The following CTNNA2 variants were observed in gnomAD, a reference collection of about 807,000 sequenced individuals.
The protein encoded by CTNNA2 is catenin alpha 2, also known as catenin alpha-2.
A neutral mutation model predicts 101.0 loss-of-function variants in CTNNA2; 42 were observed. That is an observed-to-expected ratio of 0.42 (90% CI 0.32 to 0.54). The LOEUF (loss-of-function observed/expected upper bound fraction) is 0.54. CTNNA2 is among the 20% of genes least tolerant of loss of function. The pLI is 0.14. For synonymous variants in CTNNA2, 450 were observed against 456.4 expected (o/e 0.99, Z 0.18); for missense variants, 871 against 1,223.1 (o/e 0.71, Z 4.29).
At chr2:79,933,347 G>A (rs892587559) in intron 7 of CTNNA2, among the ~76,000 whole-genome samples, 2 of 151,994 alleles carry the variant, frequency 1.3e-5, no homozygotes, top group African/African-American at 4.8e-5. Flanking sequence ...GCTAGGATTT[G>A]TATCTTCATT....
intron 1 of CTNNA2, among the ~76,000 whole-genome samples, chr2:79,607,793 C>T (rs759694309): frequency 1.3e-5 from 2 of 151,996 alleles, no homozygotes; most frequent in African/African-American, 2.4e-5. Flanking sequence ...CAACTCAGCA[C>T]CCAACACATA....
intron 8 of CTNNA2, among the ~76,000 whole-genome samples, chr2:80,415,814 G>A (rs1206677500): frequency 6.6e-6 from 1 of 152,090 alleles, no homozygotes; most frequent in South Asian, 2.1e-4. Flanking sequence ...TAAAAAATGT[G>A]ATAGGCAGAT....
intron 3 of CTNNA2, among the ~76,000 whole-genome samples, chr2:79,362,786 T>A (rs1407075205): frequency 6.6e-6 from 1 of 152,168 alleles, no homozygotes; most frequent in East Asian, 1.9e-4. Flanking sequence ...GCCTGGATCG[T>A]TGACAAAGGA....
At chr2:79,533,195 C>T (rs1013133832) in intron 1 of CTNNA2, among the ~76,000 whole-genome samples, 1 of 152,028 alleles carries the variant, frequency 6.6e-6, no homozygotes, top group African/African-American at 2.4e-5. Context: ...TTTTGTTACA[C>T]CTTTTCTTAG....
chr2:80,632,941 CA>C (rs2149835004), intron 18 of CTNNA2, among the ~76,000 whole-genome samples: 1 of 152,264 alleles, frequency 6.6e-6, no homozygotes, highest in South Asian at 2.1e-4. Context: ...AAAGAGATTA[CA>C]GAGTGTCCAA....
At chr2:80,017,608 G>A (rs796198861) in intron 7 of CTNNA2, among the ~76,000 whole-genome samples, 19 of 151,904 alleles carry the variant, frequency 1.3e-4, no homozygotes, top group African/African-American at 2.9e-4. Flanking sequence ...AATTGATCTC[G>A]GATTTGGCCC....
chr2:79,845,086 T>C (rs1275453233), intron 3 of CTNNA2, among the ~76,000 whole-genome samples: 3 of 151,494 alleles, frequency 2.0e-5, no homozygotes, highest in Admixed American at 2.0e-4. Flanking sequence ...TATGTGTATA[T>C]ATATATATAT....
chr2:79,385,588 T>C (rs6748756), intron 4 of CTNNA2, among the ~76,000 whole-genome samples: 66,528 of 151,600 alleles, frequency 0.44, 16,370 homozygotes, highest in African/African-American at 0.67. Context: ...CATAGCTATA[T>C]ATGTGCCATG....
rs183245103 is a variant in CTNNA2, at chr2:80,043,190, C to A, written c.1056+133393C>A. On this transcript the variant is annotated intron_variant, in intron 7 of 18. Coordinates refer to ENST00000402739, the MANE Select transcript of CTNNA2 (RefSeq NM_001282597.3). ...CCTTCCTTCCTTCCTTCCTTTCTTT[C>A]TTTCTTTCTCTCTCTCTTTTTTTTT... Among the ~76,000 whole-genome samples the A allele has an allele frequency of 5.5e-4, 65 of 117,706 alleles. 1 individual carries two copies. In the East Asian group the frequency reaches 0.013, roughly 24 times the overall value. The allele number at this position is 117,706 out of a possible 152,430, so 77.2% of individuals were successfully genotyped here.
At chr2:79,444,405 A>C (rs113180549) in intron 4 of CTNNA2, among the ~76,000 whole-genome samples, 112 of 152,264 alleles carry the variant, frequency 7.4e-4, no homozygotes, top group African/African-American at 2.6e-3. Context: ...AATTTGTCCA[A>C]TTCAAGGAAT....
intron 4 of CTNNA2, among the ~76,000 whole-genome samples, chr2:79,473,972 G>T (rs1017588879): frequency 6.6e-6 from 1 of 152,144 alleles, no homozygotes. Flanking sequence ...CACTTGAGAT[G>T]TGTCAAGTAT....
intron 3 of CTNNA2, chr2:79,339,794 A>T (rs1013584042): frequency 6.6e-6 from 1 of 152,286 alleles, no homozygotes; most frequent in Non-Finnish European, 1.5e-5. Context: ...AAGAAAAATA[A>T]GACAATGTCA....
At chr2:79,914,032 T>C (rs1686002209) in intron 7 of CTNNA2, among the ~76,000 whole-genome samples, 1 of 150,518 alleles carries the variant, frequency 6.6e-6, no homozygotes, top group Admixed American at 6.8e-5. Flanking sequence ...CCGGGCGTAG[T>C]GGCGGGCGCC....
intron 7 of CTNNA2, among the ~76,000 whole-genome samples, chr2:79,942,867 A>G (rs1263834155): frequency 6.6e-6 from 1 of 152,176 alleles, no homozygotes; most frequent in Non-Finnish European, 1.5e-5. Flanking sequence ...GGTCCACTTG[A>G]CACATTGACA....
chr2:80,586,966 T>A (rs945028000), intron 14 of CTNNA2, among the ~76,000 whole-genome samples: 2 of 152,040 alleles, frequency 1.3e-5, no homozygotes, highest in Non-Finnish European at 2.9e-5. Flanking sequence ...GGATGCACAG[T>A]GTGGCGAGCA....
intron 7 of CTNNA2, among the ~76,000 whole-genome samples, chr2:79,914,998 A>C (rs1686089075): frequency 6.6e-6 from 1 of 152,170 alleles, no homozygotes; most frequent in Non-Finnish European, 1.5e-5. Flanking sequence ...GGATTTGAGG[A>C]CTAAAATAGG....
At chr2:80,003,945 C>A (rs1180459171) in intron 7 of CTNNA2, among the ~76,000 whole-genome samples, 1 of 152,170 alleles carries the variant, frequency 6.6e-6, no homozygotes, top group Non-Finnish European at 1.5e-5. Context: ...GCTTGGGCAT[C>A]ACCCTGTCAT....
intron 1 of CTNNA2, among the ~76,000 whole-genome samples, chr2:79,566,538 T>C (rs1675126161): frequency 6.6e-6 from 1 of 152,128 alleles, no homozygotes; most frequent in Non-Finnish European, 1.5e-5. Context: ...GATATGCAGA[T>C]ACCCAAAAGA....
chr2:79,387,489 C>T (rs778044596), intron 4 of CTNNA2, among the ~76,000 whole-genome samples: 22 of 152,166 alleles, frequency 1.4e-4, no homozygotes, highest in Non-Finnish European at 1.9e-4. Flanking sequence ...CAGAGTTGAA[C>T]GGTGTGGTAA....
Sources: gnomAD v4.1 joint callset for allele counts (sites outside exome capture counted in the v4.1 genomes callset) on GRCh38, gnomAD v4.1.1 for gene constraint, MANE v1.5 for transcripts, NCBI Gene and HGNC (gene_info 2026-07-23, HGNC 2026-07-21) for gene names.